CACNA1B: variants seen among roughly 807,000 people sequenced by gnomAD.
CACNA1B encodes voltage-dependent N-type calcium channel subunit alpha-1B.
Under a neutral mutation model 247.2 loss-of-function variants are expected in CACNA1B, and 70 were observed. The ratio of observed to expected loss-of-function variants is 0.28; its 90% CI spans 0.23 to 0.35. The LOEUF is 0.35. CACNA1B is among the 10% of genes least tolerant of loss of function. The probability of loss-of-function intolerance (pLI) is 1.00; values close to 1 mark genes in which losing one functional copy is unlikely to be tolerated. For synonymous variants in CACNA1B, 1,231 were observed against 1,294.4 expected, an observed-to-expected ratio of 0.95 and a Z score of 1.05; for missense variants, 2,367 against 3,197.4, an observed-to-expected ratio of 0.74 and a Z score of 6.26.
chr9:137,918,924 A>G (rs1000432605), intron 6 of CACNA1B, among the ~76,000 whole-genome samples: 1 of 152,140 alleles, frequency 6.6e-6, no homozygotes, highest in Admixed American at 6.5e-5. Flanking sequence ...GGTGATGAGG[A>G]GCTTGGCTGT....
chr9:138,031,327 A>G (rs79158497), intron 20 of CACNA1B, among the ~76,000 whole-genome samples: 3,051 of 152,184 alleles, frequency 0.02, 50 homozygotes, highest in South Asian at 0.056. Flanking sequence ...AGATTTGCCT[A>G]TTTCTCTGTT....
At chr9:137,885,145 G>C (rs1218587005) in intron 3 of CACNA1B, among the ~76,000 whole-genome samples, 16 of 150,246 alleles carry the variant, frequency 1.1e-4, no homozygotes, top group Admixed American at 9.3e-4. Context: ...TGCTGGGGTG[G>C]CTCCCAGGTT....
At chr9:137,949,170 G>A (rs1392147461) in intron 6 of CACNA1B, among the ~76,000 whole-genome samples, 4 of 1,606 alleles carry the variant, frequency 2.5e-3, no homozygotes, top group East Asian at 0.021. Context: ...GTGTGCGCTT[G>A]TGTGTCCAGT....
Position 138,057,679 on chromosome 9 carries a change from T to C in CACNA1B, c.3969-53T>C. 1 of 1,554,526 alleles carries C rather than the reference T, an allele frequency of 6.4e-7. No homozygotes were observed. The highest frequency in any genetic ancestry group is 8.8e-7 in the Non-Finnish European group (1 of 1,137,880). Reference sequence around the variant, plus strand: ...GGTTTCAACACTCTTGATAGGTGGGTTTATTTGGATCTTTTGTCTTTGCCC... The same window carrying C: ...GGTTTCAACACTCTTGATAGGTGGGCTTATTTGGATCTTTTGTCTTTGCCC... On this transcript the variant is annotated intron_variant, in intron 26 of 46. Coordinates refer to ENST00000371372, the MANE Select transcript of CACNA1B (RefSeq NM_000718.4). This position sits in a 1 kb window ranked among gnomAD's most constrained non-coding sequence, Gnocchi z 4.0.
At chr9:138,055,999 CCGGGCG>C (rs1959480970) in intron 26 of CACNA1B, among the ~76,000 whole-genome samples, 1 of 151,818 alleles carries the variant, frequency 6.6e-6, no homozygotes. Context: ...GCACTCCAGC[CCGGGCG>C]ACAGTGTAAG....
intron 25 of CACNA1B, among the ~76,000 whole-genome samples, chr9:138,053,387 C>T (rs1055894602): frequency 2.6e-5 from 4 of 152,288 alleles, no homozygotes; most frequent in East Asian, 1.9e-4. Context: ...AGGAAGCTGG[C>T]GGTGGAGCCT....
intron 12 of CACNA1B, among the ~76,000 whole-genome samples, chr9:137,981,238 G>A (rs1353130381): frequency 6.6e-6 from 1 of 152,102 alleles, no homozygotes; most frequent in Non-Finnish European, 1.5e-5. Context: ...TCTGATTAGT[G>A]GTGTTGAGCA....
intron 36 of CACNA1B, among the ~76,000 whole-genome samples, chr9:138,087,353 C>G (rs1454992912): frequency 2.2e-5 from 3 of 136,966 alleles, no homozygotes; most frequent in African/African-American, 8.9e-5. Flanking sequence ...CCACTGCACT[C>G]CAGTCTGGGT....
intron 6 of CACNA1B, among the ~76,000 whole-genome samples, chr9:137,944,021 A>T (rs1423065151): frequency 6.6e-6 from 1 of 152,190 alleles, no homozygotes; most frequent in Non-Finnish European, 1.5e-5. Context: ...AGTACTAACA[A>T]ATCTTGTATC....
intron 15 of CACNA1B, among the ~76,000 whole-genome samples, chr9:138,004,564 A>T (rs939452506): frequency 2.6e-5 from 4 of 152,008 alleles, no homozygotes; most frequent in Non-Finnish European, 5.9e-5. Context: ...AAAAAAAAAA[A>T]AAAAATGGAG....
At chr9:137,951,390 G>A (rs895298265) in intron 6 of CACNA1B, among the ~76,000 whole-genome samples, 4 of 152,116 alleles carry the variant, frequency 2.6e-5, no homozygotes, top group Admixed American at 2.0e-4. Context: ...GGAGATCAGC[G>A]CCCGCTGCAG....
intron 3 of CACNA1B, among the ~76,000 whole-genome samples, chr9:137,886,095 T>C (rs1957007209): frequency 6.6e-6 from 1 of 151,586 alleles, no homozygotes; most frequent in South Asian, 2.1e-4. Context: ...CCGTCTCCTG[T>C]GGTCGTCTGA....
chr9:137,987,758 C>T (rs1411288169), intron 15 of CACNA1B, among the ~76,000 whole-genome samples: 2 of 152,170 alleles, frequency 1.3e-5, no homozygotes, highest in Non-Finnish European at 2.9e-5. Flanking sequence ...ACGATTGGCT[C>T]AAAGAGGAGT....
At chr9:138,055,610 A>G (rs1380480948) in intron 26 of CACNA1B, among the ~76,000 whole-genome samples, 2 of 152,172 alleles carry the variant, frequency 1.3e-5, no homozygotes, top group Non-Finnish European at 2.9e-5. Context: ...GTTGATTTTT[A>G]TGTGTTACAT....
rs1958419580 is a variant in CACNA1B, at chr9:137,990,498, T to C, written c.1974+3644T>C. On this transcript the variant is annotated intron_variant, in intron 15 of 46. Coordinates refer to ENST00000371372, the MANE Select transcript of CACNA1B (RefSeq NM_000718.4). This position sits in a 1 kb window ranked among gnomAD's most constrained non-coding sequence, Gnocchi z 4.5. ...TGCATCCTCTCTACAGGACCTCAGC[T>C]GATGCTCTCTTGAAAGCGCCACCTC... 6.6e-6 allele frequency among the ~76,000 whole-genome samples: 1 copy of C among 152,180 alleles called. No individual in the cohort carries two copies. The highest frequency in any genetic ancestry group is 2.4e-5 in the African/African-American group (1 of 41,438).
chr9:138,055,187 T>G (rs1959450579), intron 26 of CACNA1B, among the ~76,000 whole-genome samples: 1 of 151,918 alleles, frequency 6.6e-6, no homozygotes, highest in Non-Finnish European at 1.5e-5. Context: ...AGTGCAGTGC[T>G]GCTATTGCAG....
intron 36 of CACNA1B, among the ~76,000 whole-genome samples, chr9:138,081,010 C>G (rs1960507479): frequency 7.9e-5 from 12 of 152,302 alleles, no homozygotes; most frequent in Admixed American, 6.5e-4. Flanking sequence ...TCCGAAGACC[C>G]CTTGTGGGCA....
intron 38 of CACNA1B, among the ~76,000 whole-genome samples, chr9:138,103,758 A>C (rs1418220226): frequency 3.3e-5 from 5 of 152,198 alleles, no homozygotes; most frequent in Non-Finnish European, 5.9e-5. Flanking sequence ...CTCCCTGAGG[A>C]AGACTTTCCT....
intron 12 of CACNA1B, among the ~76,000 whole-genome samples, chr9:137,978,013 GC>G (rs1172025864): frequency 1.5e-5 from 2 of 135,244 alleles, no homozygotes; most frequent in Non-Finnish European, 3.2e-5. Context: ...TGGGAGCACT[GC>G]CCCCCCAGGA....
Sources: gnomAD v4.1 joint callset for allele counts (sites outside exome capture counted in the v4.1 genomes callset) on GRCh38, gnomAD v4.1.1 for gene constraint, Gnocchi (gnomAD v3.1) non-coding constraint, MANE v1.5 for transcripts, NCBI Gene and HGNC (gene_info 2026-07-23, HGNC 2026-07-21) for gene names.